The following MYO6 variants were observed in gnomAD, a reference collection of about 807,000 sequenced individuals.
MYO6 encodes the protein myosin VI, also known as unconventional myosin-VI.
A neutral mutation model predicts 178.7 loss-of-function variants in MYO6; 74 were observed. The observed-to-expected ratio is 0.41, with a 90% CI of 0.34 to 0.50. The LOEUF is 0.50. MYO6 is among the 20% of genes least tolerant of loss of function. The pLI, the probability that MYO6 is intolerant of heterozygous loss-of-function variation, is 0.09. For missense variants in MYO6, 1,330 were observed against 1,547.4 expected, an observed-to-expected ratio of 0.86 and a Z score of 2.36; for synonymous variants, 477 against 504.6, an observed-to-expected ratio of 0.95 and a Z score of 0.73.
chr6:75,862,954 C>T (rs968006743), intron 16 of MYO6, among the ~76,000 whole-genome samples: 5 of 152,070 alleles, frequency 3.3e-5, no homozygotes, highest in South Asian at 4.1e-4. Context: ...CTGTCTAATA[C>T]GTACAATGTG....
In MYO6 at chr6:75,861,048, G is replaced by A. The variant is rs1262844532; in HGVS notation, c.1499G>A (p.Gly500Asp). Residue 500 changes from glycine to aspartate, a missense_variant, in exon 15 of 35, where the codon GGT becomes GAT. Gly to Asp is a moderately conservative substitution (Grantham distance 94). This residue lies in a region of MYO6 where 613 missense variants were observed against 816.8 expected (regional missense o/e 0.75). Coordinates refer to ENST00000369977, the MANE Select transcript of MYO6 (RefSeq NM_004999.4). ...GAACAAGAACTCTATCAAAAAGAAGGTTTAGGTGTTAATGAAGTGCATTAT... is the reference window on the plus strand; with the variant it reads ...GAACAAGAACTCTATCAAAAAGAAGATTTAGGTGTTAATGAAGTGCATTAT... ...KEEQELYQKEGLGVNEVHYVD... is the reference protein window; with the variant it reads ...KEEQELYQKEDLGVNEVHYVD... 6.2e-7 allele frequency: 1 copy of A among 1,608,982 alleles called. No homozygotes were observed. The highest frequency in any genetic ancestry group is 8.5e-7 in the Non-Finnish European group (1 of 1,175,640).
intron 1 of MYO6, among the ~76,000 whole-genome samples, chr6:75,786,036 C>T (rs961230209): frequency 6.6e-6 from 1 of 151,996 alleles, no homozygotes; most frequent in South Asian, 2.1e-4. Flanking sequence ...CTGCCTCAGC[C>T]TCCTGAGTAG....
rs567641074 is a variant in MYO6 at position 75,880,473 on chromosome 6, G to A, written c.2286+353G>A. On this transcript the variant is annotated intron_variant, in intron 22 of 34. Transcript: ENST00000369977. ...CACCAACACTAATGATAGCTGATGA[G>A]CTAAATAAACAAAACAATTGCAATA... Among the ~76,000 whole-genome samples, 10 of 152,238 alleles carry A rather than the reference G, an allele frequency of 6.6e-5. No homozygotes were observed. In the South Asian group the frequency reaches 1.9e-3, roughly 28 times the overall value.
At chr6:75,762,661 C>G (rs1778054696) in intron 1 of MYO6, among the ~76,000 whole-genome samples, 1 of 152,224 alleles carries the variant, frequency 6.6e-6, no homozygotes. Context: ...CAGACTCACC[C>G]TCAGATTTCT....
chr6:75,824,347 A>G (rs1171621976), intron 3 of MYO6, among the ~76,000 whole-genome samples: 5 of 152,236 alleles, frequency 3.3e-5, no homozygotes, highest in Admixed American at 3.3e-4. Flanking sequence ...CTCATAAGAT[A>G]GTAGCCCATC....
At chr6:75,789,926 C>G (rs1287798760) in intron 1 of MYO6, among the ~76,000 whole-genome samples, 1 of 152,134 alleles carries the variant, frequency 6.6e-6, no homozygotes, top group Non-Finnish European at 1.5e-5. Context: ...AAGCACTATT[C>G]TACTCTCTAC....
chr6:75,894,813 G>A, intron 28 of MYO6: 2 of 1,519,056 alleles, frequency 1.3e-6, no homozygotes, highest in East Asian at 2.4e-5. Context: ...TACTTTTCCA[G>A]CTTGGATTCC....
At chr6:75,776,363 T>C (rs1473319257) in intron 1 of MYO6, among the ~76,000 whole-genome samples, 1 of 152,218 alleles carries the variant, frequency 6.6e-6, no homozygotes, top group Non-Finnish European at 1.5e-5. Context: ...AGGGAACTTA[T>C]AATACTATTT....
intron 13 of MYO6, among the ~76,000 whole-genome samples, 193 bp downstream of exon 13, chr6:75,857,447 G>A (rs1264170696): frequency 2.6e-5 from 4 of 152,150 alleles, no homozygotes; most frequent in African/African-American, 9.7e-5. Context: ...GACTCGTGGG[G>A]ATTAGTTTTG....
intron 1 of MYO6, among the ~76,000 whole-genome samples, chr6:75,792,532 C>T (rs552158735): frequency 3.9e-5 from 6 of 152,090 alleles, no homozygotes; most frequent in Non-Finnish European, 7.4e-5. Flanking sequence ...GCTTCTTTGA[C>T]GTTTCCTATT....
At chr6:75,875,650 A>G (rs1357695487) in intron 20 of MYO6, among the ~76,000 whole-genome samples, 1 of 152,254 alleles carries the variant, frequency 6.6e-6, no homozygotes, top group Non-Finnish European at 1.5e-5. Flanking sequence ...GCTGTAGAGC[A>G]TGTGGCTAGT....
intron 9 of MYO6, 102 bp from the exon 10 acceptor site, chr6:75,844,795 G>C: frequency 1.1e-6 from 1 of 904,120 alleles, no homozygotes; most frequent in Non-Finnish European, 1.8e-6. Flanking sequence ...GTTGTGTTTA[G>C]AAATTCTTCA....
chr6:75,870,333 T>A (rs1777042303), intron 18 of MYO6, among the ~76,000 whole-genome samples: 1 of 152,234 alleles, frequency 6.6e-6, no homozygotes, highest in African/African-American at 2.4e-5. Context: ...TTTCATTTAC[T>A]TCCTTCATTG....
intron 33 of MYO6, 52 bp downstream of exon 33, chr6:75,911,750 C>T (rs761232182): frequency 2.0e-5 from 31 of 1,534,022 alleles, no homozygotes; most frequent in African/African-American, 1.9e-4. Context: ...GGTTAAAATA[C>T]TTTACAAAGT....
intron 1 of MYO6, among the ~76,000 whole-genome samples, chr6:75,787,720 CTCTCTCTCTCTA>C (rs1408300439): frequency 6.6e-3 from 228 of 34,422 alleles, no homozygotes; most frequent in Non-Finnish European, 7.6e-3. Flanking sequence ...CTCTCTCTCT[CTCTCTCTCTCTA>C]TATATATATA....
At chr6:75,786,252 T>A (rs1012921277) in intron 1 of MYO6, among the ~76,000 whole-genome samples, 1 of 152,208 alleles carries the variant, frequency 6.6e-6, no homozygotes, top group Non-Finnish European at 1.5e-5. Context: ...TATAAATCTT[T>A]GCTCTTTTTC....
chr6:75,775,122 C>T (rs72888788), intron 1 of MYO6, among the ~76,000 whole-genome samples: 22,700 of 152,026 alleles, frequency 0.15, 2,733 homozygotes, highest in African/African-American at 0.33. Flanking sequence ...ACAAGATTAT[C>T]CTTTGATATT....
rs2149440480 is a variant in MYO6, at chr6:75,917,819, A to G, written c.*2807A>G. On this transcript the variant is annotated 3_prime_UTR_variant, in exon 35 of 35. Transcript: ENST00000369977. ...GAGCTTTATTAATTGGATATTTTTT[A>G]AAAGACATTTTCATTCACAGGTCAT... 6.5e-6 allele frequency: 1 copy of G among 152,752 alleles called. No individual in the cohort carries two copies. Among genetic ancestry groups the G allele is most frequent in the Non-Finnish European group, 1.5e-5 (1 of 68,030 alleles). The allele number at this position is 152,752 out of a possible 1,614,324, so 9.5% of individuals were successfully genotyped here.
intron 18 of MYO6, among the ~76,000 whole-genome samples, chr6:75,868,235 A>G (rs1212096808): frequency 6.6e-6 from 1 of 151,848 alleles, no homozygotes; most frequent in Non-Finnish European, 1.5e-5. Flanking sequence ...ATTTTTAGGT[A>G]ACTGAATAAA....
Sources: allele counts gnomAD v4.1 joint callset (sites outside exome capture counted in the v4.1 genomes callset), GRCh38; gene constraint gnomAD v4.1.1; regional missense constraint gnomAD v4.1.1; transcripts MANE v1.5; gene names NCBI Gene and HGNC (gene_info 2026-07-23, HGNC 2026-07-21).